Variants in LRMDA observed in about 807,000 individuals in gnomAD.
The protein encoded by LRMDA is leucine-rich melanocyte differentiation-associated protein.
A neutral mutation model predicts 29.8 loss-of-function variants in LRMDA; 18 were observed. That is an observed-to-expected ratio of 0.60 (90% CI 0.42 to 0.90). LRMDA has a LOEUF of 0.90. Ranked by LOEUF, LRMDA falls within the 40% of genes least tolerant of loss-of-function variation. LRMDA has a pLI of 0.00. For synonymous variants in LRMDA, 125 were observed against 109.4 expected, an observed-to-expected ratio of 1.14 and a Z score of -0.89; for missense variants, 273 against 273.9, an observed-to-expected ratio of 1.00 and a Z score of 0.02.
At chr10:75,989,187 G>A (rs1175535324) in intron 2 of LRMDA, among the ~76,000 whole-genome samples, 2 of 152,216 alleles carry the variant, frequency 1.3e-5, no homozygotes, top group Admixed American at 6.5e-5. Flanking sequence ...GTGAGTAAAT[G>A]ACTGACTGTT....
At chr10:76,256,709 C>T (rs557218764) in intron 5 of LRMDA, among the ~76,000 whole-genome samples, 1 of 152,192 alleles carries the variant, frequency 6.6e-6, no homozygotes, top group East Asian at 1.9e-4. Context: ...AAAATAATGA[C>T]TATTATTGTT....
chr10:76,551,470 G>A (rs1843493801), intron 6 of LRMDA, among the ~76,000 whole-genome samples: 1 of 152,124 alleles, frequency 6.6e-6, no homozygotes, highest in Non-Finnish European at 1.5e-5. Flanking sequence ...TCTGTACCAA[G>A]TGCAGATGCT....
chr10:75,483,081 A>T (rs891553862), intron 2 of LRMDA, among the ~76,000 whole-genome samples: 1 of 152,010 alleles, frequency 6.6e-6, no homozygotes, highest in Non-Finnish European at 1.5e-5. Context: ...AGTAGCTGGG[A>T]CTGTAGGTGT....
chr10:75,860,129 G>A (rs1042304945), intron 2 of LRMDA, among the ~76,000 whole-genome samples: 1 of 152,032 alleles, frequency 6.6e-6, no homozygotes, highest in Non-Finnish European at 1.5e-5. Context: ...ATTAAAAATA[G>A]TGTCTAAACT....
chr10:75,826,340 G>A (rs1019910581), intron 2 of LRMDA, among the ~76,000 whole-genome samples: 10 of 152,120 alleles, frequency 6.6e-5, no homozygotes, highest in Non-Finnish European at 1.3e-4. Context: ...TTTCTGGCCC[G>A]GAGCTCTTGC....
At chr10:76,424,618 C>A (rs1842105077) in intron 6 of LRMDA, among the ~76,000 whole-genome samples, 1 of 152,162 alleles carries the variant, frequency 6.6e-6, no homozygotes, top group Admixed American at 6.6e-5. Context: ...ATTTTGTTTG[C>A]AAAAATATCT....
intron 5 of LRMDA, among the ~76,000 whole-genome samples, chr10:76,283,669 G>A (rs1322397760): frequency 6.6e-6 from 1 of 152,144 alleles, no homozygotes; most frequent in Non-Finnish European, 1.5e-5. Flanking sequence ...CCCAGAAAGG[G>A]AGTATTATTG....
chr10:76,236,951 C>A lies in LRMDA; in HGVS notation c.517-87450C>A, dbSNP rs533653799. On this transcript the variant is annotated intron_variant, in intron 5 of 6. Coordinates refer to ENST00000611255, the MANE Select transcript of LRMDA (RefSeq NM_001305581.2). The stretch of plus-strand genomic sequence containing the variant: ...ACTATAATTTCAAAGTGTTGATAAG[C>A]ATAAACAGTGTTTTGGATTTCTGCA... Among the ~76,000 whole-genome samples, 7 of 152,284 alleles carry A rather than the reference C, an allele frequency of 4.6e-5. No individual in the cohort carries two copies. In the South Asian group the frequency reaches 1.4e-3, roughly 32 times the overall value.
chr10:76,229,131 G>T (rs1852013247), intron 5 of LRMDA, among the ~76,000 whole-genome samples: 1 of 152,224 alleles, frequency 6.6e-6, no homozygotes, highest in African/African-American at 2.4e-5. Flanking sequence ...CGAAGGTTTG[G>T]ACAATAATAT....
intron 2 of LRMDA, among the ~76,000 whole-genome samples, chr10:75,612,705 T>C (rs565972310): frequency 3.3e-5 from 5 of 150,454 alleles, no homozygotes; most frequent in Admixed American, 6.6e-5. Context: ...AGAGAGGCAA[T>C]AGTGTGGATA....
intron 2 of LRMDA, among the ~76,000 whole-genome samples, chr10:75,733,325 C>A (rs896188182): frequency 6.6e-6 from 1 of 152,140 alleles, no homozygotes; most frequent in Non-Finnish European, 1.5e-5. Flanking sequence ...TTTTACCATC[C>A]AAGAAAGGCC....
chr10:76,102,329 G>C (rs1447946362), intron 5 of LRMDA, among the ~76,000 whole-genome samples: 2 of 152,122 alleles, frequency 1.3e-5, no homozygotes, highest in Admixed American at 1.3e-4. Context: ...TGTACAGATT[G>C]TTACCCAGGT....
intron 2 of LRMDA, among the ~76,000 whole-genome samples, chr10:75,815,862 A>G (rs543417337): frequency 2.6e-5 from 4 of 152,252 alleles, no homozygotes; most frequent in African/African-American, 7.2e-5. Context: ...AATCATCTCT[A>G]TAATCCTGTG....
intron 2 of LRMDA, among the ~76,000 whole-genome samples, chr10:75,820,732 G>T (rs1266139746): frequency 1.3e-5 from 2 of 152,028 alleles, no homozygotes; most frequent in Non-Finnish European, 2.9e-5. Context: ...ATGAAAAGTT[G>T]GTTCTTTGAA....
chr10:76,354,089 G>C (rs1039504382), intron 6 of LRMDA, among the ~76,000 whole-genome samples: 3 of 152,144 alleles, frequency 2.0e-5, no homozygotes, highest in Non-Finnish European at 4.4e-5. Context: ...TGCAAATTAA[G>C]GCTTGGGAAG....
At chr10:76,234,333 A>G (rs1852112391) in intron 5 of LRMDA, among the ~76,000 whole-genome samples, 2 of 152,166 alleles carry the variant, frequency 1.3e-5, no homozygotes, top group South Asian at 2.1e-4. Context: ...CTGTGAACGG[A>G]TGTGCTGTCA....
chr10:75,604,831 A>G (rs2395290), intron 2 of LRMDA, among the ~76,000 whole-genome samples: 90,402 of 152,096 alleles, frequency 0.59, 30,698 homozygotes, highest in East Asian at 0.85. Flanking sequence ...GCCCACTTCA[A>G]AAAACTTCAC....
At chr10:76,074,232 GTT>G (rs1276289345) in intron 5 of LRMDA, among the ~76,000 whole-genome samples, 1 of 152,168 alleles carries the variant, frequency 6.6e-6, no homozygotes, top group Non-Finnish European at 1.5e-5. Flanking sequence ...AGCATGTGCT[GTT>G]TTTAAAGGAT....
At chr10:76,131,080 A>G (rs75071825) in intron 5 of LRMDA, among the ~76,000 whole-genome samples, 9,381 of 152,256 alleles carry the variant, frequency 0.062, 943 homozygotes, top group African/African-American at 0.21. Context: ...CCAAAAATGC[A>G]CATTTATGGT....
Sources: allele counts gnomAD v4.1 joint callset (sites outside exome capture counted in the v4.1 genomes callset), GRCh38; gene constraint gnomAD v4.1.1; transcripts MANE v1.5; gene names NCBI Gene and HGNC (gene_info 2026-07-23, HGNC 2026-07-21).